Variants in OXR1 observed in about 807,000 individuals in gnomAD.
OXR1 encodes the protein oxidation resistance protein 1.
OXR1 carries 41 observed loss-of-function variants against 104.6 expected under a neutral mutation model. The ratio of observed to expected loss-of-function variants is 0.39; its 90% CI spans 0.31 to 0.51. The LOEUF (loss-of-function observed/expected upper bound fraction) is 0.51, where lower values mean the gene tolerates loss of function less well. Ranked by LOEUF, OXR1 falls within the 20% of genes least tolerant of loss-of-function variation. The pLI is 0.77. For missense variants in OXR1, 955 were observed against 1,031.9 expected, an observed-to-expected ratio of 0.93 and a Z score of 1.02; for synonymous variants, 348 against 348.4, an observed-to-expected ratio of 1.00 and a Z score of 0.01.
At chr8:106,592,745 G>T (rs1430002134) in intron 3 of OXR1, among the ~76,000 whole-genome samples, 1 of 152,154 alleles carries the variant, frequency 6.6e-6, no homozygotes, top group Non-Finnish European at 1.5e-5. Flanking sequence ...GCCAGGTCAT[G>T]GTAGGGAGCT....
intron 1 of OXR1, among the ~76,000 whole-genome samples, chr8:106,351,773 C>T (rs940485318): frequency 2.0e-5 from 3 of 152,166 alleles, no homozygotes; most frequent in African/African-American, 7.2e-5. Flanking sequence ...TGTTCTTCCT[C>T]ATGATTGTCG....
At chr8:106,306,919 A>T (rs1015437444) in intron 1 of OXR1, among the ~76,000 whole-genome samples, 14 of 152,158 alleles carry the variant, frequency 9.2e-5, no homozygotes, top group African/African-American at 3.4e-4. Context: ...CAAGCTTGTG[A>T]TAATAAAGGA....
At chr8:106,361,744 T>C (rs1181523749) in intron 2 of OXR1, among the ~76,000 whole-genome samples, 1 of 152,198 alleles carries the variant, frequency 6.6e-6, no homozygotes, top group East Asian at 1.9e-4. Context: ...TAAGCTGTTA[T>C]AGTCCCTCAT....
intron 3 of OXR1, among the ~76,000 whole-genome samples, chr8:106,599,640 C>T (rs564781286): frequency 1.3e-5 from 2 of 152,252 alleles, no homozygotes; most frequent in African/African-American, 4.8e-5. Context: ...AAGGATAAAG[C>T]GTAGAGGAAG....
intron 3 of OXR1, among the ~76,000 whole-genome samples, chr8:106,541,095 G>C (rs1314440644): frequency 1.3e-5 from 2 of 152,098 alleles, no homozygotes; most frequent in East Asian, 3.9e-4. Flanking sequence ...TCAGTAAAAA[G>C]ATATTCTCTA....
At chr8:106,741,730 C>G (rs1039627980) in intron 14 of OXR1, among the ~76,000 whole-genome samples, 3 of 152,122 alleles carry the variant, frequency 2.0e-5, no homozygotes, top group Non-Finnish European at 4.4e-5. Context: ...TGTATAAGAT[C>G]ATGCACAGGG....
chr8:106,350,089 T>G (rs1164187623), intron 1 of OXR1, among the ~76,000 whole-genome samples: 1 of 151,956 alleles, frequency 6.6e-6, no homozygotes, highest in East Asian at 1.9e-4. Context: ...CAAGGAAAGA[T>G]TGTACAGAAT....
chr8:106,456,335 GA>G (rs1328441252), intron 2 of OXR1, among the ~76,000 whole-genome samples: 1 of 152,032 alleles, frequency 6.6e-6, no homozygotes, highest in East Asian at 1.9e-4. Flanking sequence ...GTTGTTTCCT[GA>G]ATAGCTTTTT....
intron 1 of OXR1, among the ~76,000 whole-genome samples, chr8:106,328,273 G>A (rs993900427): frequency 1.3e-5 from 2 of 152,178 alleles, no homozygotes; most frequent in Non-Finnish European, 2.9e-5. Flanking sequence ...AACTGATATG[G>A]ATTAAGTGCT....
rs60855438 is a variant in OXR1 at position 106,379,537 on chromosome 8, C to CTTTT, written c.23+19917_23+19920dup. 4.6e-3 allele frequency among the ~76,000 whole-genome samples: 501 copies of CTTTT among 108,340 alleles called. 5 individuals carry two copies. Among genetic ancestry groups the CTTTT allele is most frequent in the East Asian group, 5.4e-3 (20 of 3,694 alleles). 71.1% of individuals were successfully genotyped at this position (108,340 alleles called of 152,430 possible). A position where few individuals can be genotyped will look rare whatever the true frequency, so the allele number is the denominator to read the frequency against. On this transcript the variant is annotated intron_variant, in intron 2 of 16. Coordinates refer to ENST00000517566, the MANE Select transcript of OXR1 (RefSeq NM_001198533.2). ...CTTTTTTTTACTTTTTTCTTTCTTTCTTTTTTTTTTTTTTTTTTTGAGACA... is the reference window on the plus strand; with the variant it reads ...CTTTTTTTTACTTTTTTCTTTCTTTCTTTTTTTTTTTTTTTTTTTTTTTGAGACA...
chr8:106,590,055 C>T (rs969943994), intron 3 of OXR1, among the ~76,000 whole-genome samples: 5 of 152,088 alleles, frequency 3.3e-5, no homozygotes, highest in African/African-American at 1.2e-4. Flanking sequence ...ATAAAAATTC[C>T]CAAAACGACA....
intron 2 of OXR1, among the ~76,000 whole-genome samples, chr8:106,370,637 C>T (rs1300231461): frequency 6.6e-6 from 1 of 152,136 alleles, no homozygotes; most frequent in Non-Finnish European, 1.5e-5. Context: ...TAGGCATTTT[C>T]TACATCTATT....
At chr8:106,719,888 C>T (rs1358990275) in intron 11 of OXR1, among the ~76,000 whole-genome samples, 1 of 152,140 alleles carries the variant, frequency 6.6e-6, no homozygotes, top group African/African-American at 2.4e-5. Context: ...TCACTGCAAG[C>T]TCCGCCTCCT....
chr8:106,303,248 C>CTTTTTTTTTTTTTT (rs1164596413), intron 1 of OXR1, among the ~76,000 whole-genome samples: 1 of 92,364 alleles, frequency 1.1e-5, no homozygotes, highest in Non-Finnish European at 2.0e-5. Flanking sequence ...TTTTTTCTTT[C>CTTTTTTTTTTTTTT]TTTTTTTTTT....
rs919028340 is a variant in OXR1 at position 106,750,392 on chromosome 8, C to T, written c.2487-414C>T. Among the ~76,000 whole-genome samples, 3 of 140,422 alleles carry T rather than the reference C, an allele frequency of 2.1e-5. No individual in the cohort carries two copies. In the Admixed American group the frequency reaches 2.4e-4, roughly 11 times the overall value. The allele number at this position is 140,422 out of a possible 152,430, so 92.1% of individuals were successfully genotyped here. ...GCAGGCTGGAGTGCAATGGTGCAAT[C>T]TTGGCTCATTGCAACCTCCGCCTCC... is the stretch of plus-strand genomic sequence containing the variant. On this transcript the variant is annotated intron_variant, in intron 16 of 16. Coordinates refer to ENST00000517566, the MANE Select transcript of OXR1 (RefSeq NM_001198533.2).
rs557094815 is a variant in OXR1, at chr8:106,348,306, C to T, written c.-138-11170C>T. On this transcript the variant is annotated intron_variant, in intron 1 of 16. Coordinates refer to ENST00000517566, the MANE Select transcript of OXR1 (RefSeq NM_001198533.2). ...AGTCTTCAGAAAACACACACAAACA[C>T]ACACGCACACACCCCTACCTATTTA... is the stretch of plus-strand genomic sequence containing the variant. Among the ~76,000 whole-genome samples, 21 of 152,232 alleles carry T rather than the reference C, an allele frequency of 1.4e-4. 1 individual carries two copies. The South Asian group carries it at 4.4e-3, about 32-fold the overall frequency.
intron 2 of OXR1, among the ~76,000 whole-genome samples, chr8:106,478,708 A>G (rs1209821177): frequency 6.6e-6 from 1 of 151,592 alleles, no homozygotes; most frequent in African/African-American, 2.4e-5. Flanking sequence ...TTAACATAAT[A>G]CGTATGATTA....
chr8:106,674,944 C>T (rs1371675995), intron 3 of OXR1, among the ~76,000 whole-genome samples: 1 of 152,114 alleles, frequency 6.6e-6, no homozygotes, highest in Non-Finnish European at 1.5e-5. Context: ...ATTATCCAGT[C>T]TTGAGCAGTT....
intron 15 of OXR1, among the ~76,000 whole-genome samples, chr8:106,743,569 C>T (rs1266005796): frequency 1.3e-5 from 2 of 152,240 alleles, no homozygotes; most frequent in African/African-American, 2.4e-5. Context: ...GATCCACCCT[C>T]CTCGGCCTCC....
Sources: gnomAD v4.1 joint callset for allele counts (sites outside exome capture counted in the v4.1 genomes callset) on GRCh38, gnomAD v4.1.1 for gene constraint, MANE v1.5 for transcripts, NCBI Gene and HGNC (gene_info 2026-07-23, HGNC 2026-07-21) for gene names.